NPSR1: variants seen among roughly 807,000 people sequenced by gnomAD.
The protein encoded by NPSR1 is neuropeptide S receptor 1.
A neutral mutation model predicts 46.9 loss-of-function variants in NPSR1; 48 were observed. That is an observed-to-expected ratio of 1.02 (90% CI 0.81 to 1.30). The LOEUF is 1.30. Ranked by LOEUF, NPSR1 falls within the 50% of genes most tolerant of loss-of-function variation. The pLI, the probability that NPSR1 is intolerant of heterozygous loss-of-function variation, is 0.00. For synonymous variants in NPSR1, 176 were observed against 168.1 expected (o/e 1.05, Z -0.36); for missense variants, 450 against 449.5 (o/e 1.00, Z -0.01).
chr7:34,734,340 C>T (rs998942493), intron 2 of NPSR1, among the ~76,000 whole-genome samples: 2 of 152,122 alleles, frequency 1.3e-5, no homozygotes, highest in African/African-American at 4.8e-5. Flanking sequence ...CTAAACCAAA[C>T]AAGGCAATAA....
intron 1 of NPSR1, among the ~76,000 whole-genome samples, chr7:34,673,105 T>G (rs1308439082): frequency 1.3e-5 from 2 of 152,080 alleles, no homozygotes; most frequent in African/African-American, 2.4e-5. Flanking sequence ...CACATAACAG[T>G]CTCTCTAGGC....
At chr7:34,719,816 A>T (rs940658431) in intron 2 of NPSR1, 1 of 152,104 alleles carries the variant, frequency 6.6e-6, no homozygotes. Context: ...CTTCTAGAAG[A>T]TGGGAAAAAT....
chr7:34,676,985 G>T (rs770849483), intron 1 of NPSR1, among the ~76,000 whole-genome samples: 2 of 152,098 alleles, frequency 1.3e-5, no homozygotes, highest in African/African-American at 4.8e-5. Context: ...AGAGCTCCTC[G>T]GACTTACCAT....
chr7:34,811,876 T>A lies in NPSR1; in HGVS notation c.478+13T>A. The stretch of plus-strand genomic sequence containing the variant: ...TTCCTTCAAGGAGGTGAGCTGGCTT[T>A]ACCAGGTGCTCTTTCATAAAGAACT... On this transcript the variant is annotated intron_variant, in intron 4 of 8. Coordinates refer to ENST00000360581, the MANE Select transcript of NPSR1 (RefSeq NM_207172.2). The A allele has an allele frequency of 1.3e-6, 2 of 1,580,110 alleles. No individual in the cohort carries two copies. Among genetic ancestry groups the A allele is most frequent in the Non-Finnish European group, 1.7e-6 (2 of 1,150,242 alleles).
chr7:34,726,953 A>G (rs575708305), intron 2 of NPSR1, among the ~76,000 whole-genome samples: 77 of 152,236 alleles, frequency 5.1e-4, no homozygotes, highest in African/African-American at 1.7e-3. Flanking sequence ...GTCATTGTAC[A>G]TTTGTCTAAA....
At chr7:34,661,212 G>T (rs942041211) in intron 1 of NPSR1, among the ~76,000 whole-genome samples, 1 of 152,106 alleles carries the variant, frequency 6.6e-6, no homozygotes, top group Non-Finnish European at 1.5e-5. Context: ...CCCCTACCCT[G>T]CCTGGTCTCT....
intron 7 of NPSR1, 35 bp downstream of exon 7, chr7:34,845,017 A>G (rs543358635): frequency 2.0e-6 from 3 of 1,480,924 alleles, no homozygotes; most frequent in Non-Finnish European, 2.8e-6. Flanking sequence ...GTAAAGTGGT[A>G]TGAACGTCCC....
chr7:34,783,454 G>A (rs1299234613), intron 3 of NPSR1, among the ~76,000 whole-genome samples: 1 of 152,044 alleles, frequency 6.6e-6, no homozygotes, highest in East Asian at 1.9e-4. Context: ...ACCTCCCACT[G>A]AATTCCTCCC....
At chr7:34,665,011 C>T (rs2609227) in intron 1 of NPSR1, among the ~76,000 whole-genome samples, 16,990 of 152,100 alleles carry the variant, frequency 0.11, 1,023 homozygotes, top group African/African-American at 0.15. Context: ...CCCATCAGCT[C>T]TAGGGGGATT....
At position 34,849,629 on chromosome 7, in the gene NPSR1, A is replaced by G. The variant is rs79690462; in HGVS notation, c.1090A>G (p.Ile364Val). 7 of 1,614,128 alleles carry G rather than the reference A, an allele frequency of 4.3e-6. No homozygotes were observed. Among genetic ancestry groups the G allele is most frequent in the Non-Finnish European group, 5.9e-6 (7 of 1,180,018 alleles). Residue 364 changes from isoleucine (I) to valine (V), a missense_variant, in exon 9 of 9, where the codon ATT becomes GTT. Ile to Val is a conservative substitution (Grantham distance 29). Transcript: ENST00000360581. ...RERTERHEMQ[I>V]LSKPEFI ...GAGAACTGAGAGGCATGAGATGCAG[A>G]TTCTGTCCAAGCCAGAATTCATCTA...
chr7:34,827,918 T>G (rs1249724861), intron 5 of NPSR1, among the ~76,000 whole-genome samples: 2 of 152,204 alleles, frequency 1.3e-5, no homozygotes, highest in Non-Finnish European at 2.9e-5. Context: ...ATGATGAAAC[T>G]CAAGCTCAGA....
At chr7:34,697,230 CAAAAT>C (rs1470412600) in intron 2 of NPSR1, among the ~76,000 whole-genome samples, 1 of 151,316 alleles carries the variant, frequency 6.6e-6, no homozygotes, top group Admixed American at 6.6e-5. Context: ...TATAATGAAA[CAAAAT>C]AAAGAGATCT....
At chr7:34,707,424 ATAGAC>A (rs1213188199) in intron 2 of NPSR1, among the ~76,000 whole-genome samples, 2 of 152,212 alleles carry the variant, frequency 1.3e-5, no homozygotes, top group African/African-American at 4.8e-5. Flanking sequence ...AATGTAGAAA[ATAGAC>A]TATAGTAACA....
At chr7:34,776,592 T>C (rs770962302) in intron 2 of NPSR1, among the ~76,000 whole-genome samples, 1 of 152,198 alleles carries the variant, frequency 6.6e-6, no homozygotes, top group Non-Finnish European at 1.5e-5. Context: ...ACATATGCCT[T>C]ATGTCTTTAT....
chr7:34,844,261 G>A (rs1351669445), intron 6 of NPSR1, among the ~76,000 whole-genome samples: 1 of 152,124 alleles, frequency 6.6e-6, no homozygotes, highest in African/African-American at 2.4e-5. Context: ...CATTGAATAT[G>A]TGTTTAGGCT....
Position 34,869,711 on chromosome 7 carries a change from A to C in NPSR1, c.1026-8365A>C, listed in dbSNP as rs372172171. Among the ~76,000 whole-genome samples, 42 of 151,942 alleles carry C rather than the reference A, an allele frequency of 2.8e-4. 1 individual carries two copies. In the East Asian group the frequency reaches 4.4e-3, roughly 16 times the overall value. Reference sequence around the variant, plus strand: ...AACTCTATCCCAGACTACTGTTAAGAGTGGTAGGGAACAGTAAACCAAAGA... The same window carrying C: ...AACTCTATCCCAGACTACTGTTAAGCGTGGTAGGGAACAGTAAACCAAAGA... On this transcript the variant is annotated intron_variant, in intron 8 of 8. Coordinates refer to the NPSR1 transcript ENST00000359791.
At chr7:34,797,995 A>T (rs1268841383) in intron 3 of NPSR1, among the ~76,000 whole-genome samples, 1 of 152,206 alleles carries the variant, frequency 6.6e-6, no homozygotes, top group East Asian at 1.9e-4. Context: ...GAAATTTCTC[A>T]AAAGTAAACT....
At chr7:34,815,081 A>G (rs1389671340) in intron 4 of NPSR1, among the ~76,000 whole-genome samples, 1 of 152,360 alleles carries the variant, frequency 6.6e-6, no homozygotes. Context: ...ACGAGTTGAC[A>G]GAAGTAGGCT....
intron 2 of NPSR1, among the ~76,000 whole-genome samples, chr7:34,734,792 C>G (rs970384210): frequency 6.6e-6 from 1 of 152,208 alleles, no homozygotes; most frequent in Non-Finnish European, 1.5e-5. Flanking sequence ...AGAAGGTGGT[C>G]TAAATGACCA....
Sources: gnomAD v4.1 joint callset for allele counts (sites outside exome capture counted in the v4.1 genomes callset) on GRCh38, gnomAD v4.1.1 for gene constraint, MANE v1.5 for transcripts, NCBI Gene and HGNC (gene_info 2026-07-23, HGNC 2026-07-21) for gene names.